ZFP1: variants seen among roughly 807,000 people sequenced by gnomAD.
ZFP1 encodes the protein ZFP1 zinc finger protein.
In ZFP1, 32 loss-of-function variants were observed where a neutral mutation model predicts 38.5. That is an observed-to-expected ratio of 0.83 (90% CI 0.63 to 1.12). The LOEUF (loss-of-function observed/expected upper bound fraction) is 1.12, where lower values mean the gene tolerates loss of function less well. ZFP1 is among the 50% of genes most tolerant of loss of function. The pLI is 0.00. For synonymous variants in ZFP1, 245 were observed against 168.8 expected (o/e 1.45, Z -3.50); for missense variants, 616 against 480.8 (o/e 1.28, Z -2.63).
rs755769623 is a variant in ZFP1 at position 75,170,326 on chromosome 16, A to C, written c.1216A>C (p.Lys406Gln). The C allele has an allele frequency of 1.3e-6, 2 of 1,570,176 alleles. No individual in the cohort carries two copies. The highest frequency in any genetic ancestry group is 8.6e-7 in the Non-Finnish European group (1 of 1,157,902). Reference protein sequence around the residue: ...SVHQRVHIGEKP With the variant: ...SVHQRVHIGEQP ...CCATCAGAGAGTTCACATCGGGGAGAAACCCTGAAACTCCAGCCAGGTCTT... is the reference window on the plus strand; with the variant it reads ...CCATCAGAGAGTTCACATCGGGGAGCAACCCTGAAACTCCAGCCAGGTCTT... The change falls in exon 4 of 4, where the codon AAA (lysine) becomes CAA (glutamine). Residue 406 changes from lysine to glutamine, a missense_variant. Transcript: ENST00000570010.
chr16:75,170,317 A>AT lies in ZFP1; in HGVS notation c.1208dup (p.Gly404ArgfsTer24). The AT allele has an allele frequency of 6.3e-7, 1 of 1,582,408 alleles. No individual in the cohort carries two copies. The highest frequency in any genetic ancestry group is 1.3e-5 in the African/African-American group (1 of 74,092). On this transcript the variant is annotated frameshift_variant, in exon 4 of 4. Coordinates refer to ENST00000570010, the MANE Select transcript of ZFP1 (RefSeq NM_153688.4). LOFTEE classifies it high-confidence loss of function. ...ACTCAGTGTCCATCAGAGAGTTCAC[A>AT]TCGGGGAGAAACCCTGAAACTCCAG...
chr16:75,165,191 C>T (rs563900258), intron 2 of ZFP1, among the ~76,000 whole-genome samples: 1 of 152,110 alleles, frequency 6.6e-6, no homozygotes, highest in South Asian at 2.1e-4. Flanking sequence ...ATGGCCAAGT[C>T]GGTTTGTTTT....
chr16:75,134,249 A>G, the ZFP1 span, among the ~76,000 whole-genome samples: 1 of 152,212 alleles, frequency 6.6e-6, no homozygotes, highest in Non-Finnish European at 1.5e-5. Context: ...TCTGAATGTT[A>G]TGTTAGGTGA....
chr16:75,129,026 G>A, the ZFP1 span, among the ~76,000 whole-genome samples: 62 of 152,280 alleles, frequency 4.1e-4, no homozygotes, highest in African/African-American at 1.4e-3. Context: ...CCGACCTCAG[G>A]TGATCCGCCT....
At chr16:75,153,486 G>A (rs997104060) in intron 2 of ZFP1, among the ~76,000 whole-genome samples, 11 of 152,076 alleles carry the variant, frequency 7.2e-5, no homozygotes, top group African/African-American at 1.9e-4. Flanking sequence ...AAGCACAAAC[G>A]TAAGATAGCA....
At chr16:75,137,718 G>A in the ZFP1 span, among the ~76,000 whole-genome samples, 1 of 151,712 alleles carries the variant, frequency 6.6e-6, no homozygotes, top group Non-Finnish European at 1.5e-5. Flanking sequence ...CGCCCGCCTT[G>A]GCTTCCCAAA....
chr16:75,151,199 T>C (rs1180083748), intron 1 of ZFP1, among the ~76,000 whole-genome samples: 1 of 152,040 alleles, frequency 6.6e-6, no homozygotes, highest in African/African-American at 2.4e-5. Context: ...TTTAATTTCC[T>C]GACTCCTACA....
the ZFP1 span, among the ~76,000 whole-genome samples, chr16:75,139,515 G>T: frequency 1.8e-4 from 28 of 151,808 alleles, no homozygotes; most frequent in African/African-American, 6.5e-4. Context: ...AACAGAGAGA[G>T]ACCCCATCTC....
chr16:75,148,327 C>T (rs554590987), upstream of ZFP1, among the ~76,000 whole-genome samples: 4 of 152,280 alleles, frequency 2.6e-5, no homozygotes, highest in African/African-American at 9.6e-5. Context: ...ACAGTGCAGG[C>T]TAAGGAGATT....
intron 1 of ZFP1, among the ~76,000 whole-genome samples, chr16:75,151,769 G>A (rs1294136431): frequency 1.8e-5 from 1 of 55,202 alleles, no homozygotes; most frequent in Non-Finnish European, 6.3e-5. Context: ...TCATTTTAAC[G>A]ATTCTCGAGA....
At chr16:75,139,571 G>C in the ZFP1 span, among the ~76,000 whole-genome samples, 2 of 151,750 alleles carry the variant, frequency 1.3e-5, no homozygotes, top group Admixed American at 6.6e-5. Flanking sequence ...GCACATGTGT[G>C]GTCCGAGCTA....
At chr16:75,138,352 A>G in the ZFP1 span, among the ~76,000 whole-genome samples, 1 of 152,148 alleles carries the variant, frequency 6.6e-6, no homozygotes, top group Non-Finnish European at 1.5e-5. Flanking sequence ...CACTTGTTAA[A>G]CGTGGACTGT....
chr16:75,123,459 A>ATGTG, the ZFP1 span, among the ~76,000 whole-genome samples: 1 of 31,620 alleles, frequency 3.2e-5, no homozygotes, highest in South Asian at 1.6e-3. Context: ...GTATATGTAT[A>ATGTG]TATATATATA....
In ZFP1 at chr16:75,152,649, G is replaced by T. The variant is rs138370298; in HGVS notation, c.-43-260G>T. 2.0e-5 allele frequency among the ~76,000 whole-genome samples: 3 copies of T among 152,228 alleles called. No homozygotes were observed. In the East Asian group the frequency reaches 5.8e-4, roughly 29 times the overall value. ...AATGCCCTGTCTGATAATTTCAGCAGTTGAGGGTTCTGTTGATTGTTTTGC... is the reference window on the plus strand; with the variant it reads ...AATGCCCTGTCTGATAATTTCAGCATTTGAGGGTTCTGTTGATTGTTTTGC... On this transcript the variant is annotated intron_variant, in intron 1 of 3. Transcript: ENST00000570010.
Position 75,170,541 on chromosome 16 carries a change from C to T in ZFP1, c.*207C>T. 1.4e-6 allele frequency: 1 copy of T among 722,060 alleles called. No homozygotes were observed. Among genetic ancestry groups the T allele is most frequent in the Non-Finnish European group, 2.0e-6 (1 of 499,868 alleles). 44.7% of individuals were successfully genotyped at this position (722,060 alleles called of 1,614,324 possible). ...CTAAAGAATACATATCAGAATATATCCAGTTGTAAATAGCCATACCCAGTT... is the reference window on the plus strand; with the variant it reads ...CTAAAGAATACATATCAGAATATATTCAGTTGTAAATAGCCATACCCAGTT... On this transcript the variant is annotated 3_prime_UTR_variant, in exon 4 of 4. Coordinates refer to ENST00000570010, the MANE Select transcript of ZFP1 (RefSeq NM_153688.4).
chr16:75,133,163 G>T, the ZFP1 span, among the ~76,000 whole-genome samples: 1 of 151,762 alleles, frequency 6.6e-6, no homozygotes, highest in Admixed American at 6.6e-5. Flanking sequence ...TTTTAGTAGA[G>T]ACAGGGTTTC....
upstream of ZFP1, among the ~76,000 whole-genome samples, chr16:75,147,931 C>G (rs752245525): frequency 3.9e-5 from 6 of 152,272 alleles, no homozygotes; most frequent in Middle Eastern, 6.8e-3. Context: ...AGACAAATAA[C>G]TATGTGAGGT....
chr16:75,159,234 CCTT>C (rs1252646436), intron 2 of ZFP1, among the ~76,000 whole-genome samples: 2 of 150,212 alleles, frequency 1.3e-5, no homozygotes, highest in Admixed American at 6.7e-5. Flanking sequence ...TTCATTCCTT[CCTT>C]CCTTCCCTTC....
the ZFP1 span, among the ~76,000 whole-genome samples, chr16:75,120,369 TAA>T: frequency 6.6e-6 from 1 of 152,192 alleles, no homozygotes; most frequent in East Asian, 1.9e-4. Flanking sequence ...TGGGGTTCCT[TAA>T]AGAGAACAGA....
Sources: allele counts gnomAD v4.1 joint callset (sites outside exome capture counted in the v4.1 genomes callset), GRCh38; gene constraint gnomAD v4.1.1; transcripts MANE v1.5; gene names NCBI Gene and HGNC (gene_info 2026-07-23, HGNC 2026-07-21).